LARP1B: variants seen among roughly 807,000 people sequenced by gnomAD.
The protein encoded by LARP1B is la-related protein 1B.
A neutral mutation model predicts 114.2 loss-of-function variants in LARP1B; 76 were observed. The observed-to-expected ratio is 0.67, with a 90% CI of 0.55 to 0.81. LARP1B has a LOEUF of 0.81. Ranked by LOEUF, LARP1B falls within the 30% of genes least tolerant of loss-of-function variation. The pLI, the probability that LARP1B is intolerant of heterozygous loss-of-function variation, is 0.00. For synonymous variants in LARP1B, 345 were observed against 348.0 expected, an observed-to-expected ratio of 0.99 and a Z score of 0.10; for missense variants, 1,014 against 1,075.8, an observed-to-expected ratio of 0.94 and a Z score of 0.80.
chr4:128,085,818 T>C (rs1773249087), intron 5 of LARP1B, among the ~76,000 whole-genome samples: 1 of 152,214 alleles, frequency 6.6e-6, no homozygotes, highest in Non-Finnish European at 1.5e-5. Flanking sequence ...GTGGAATGTA[T>C]GTATTTCTCA....
intron 15 of LARP1B, among the ~76,000 whole-genome samples, chr4:128,198,104 C>T (rs765523088): frequency 3.3e-5 from 5 of 151,910 alleles, no homozygotes; most frequent in Admixed American, 2.0e-4. Context: ...AGGCTGGTCT[C>T]GAACTCCTGA....
Position 128,207,402 on chromosome 4 carries a change from C to A in LARP1B, c.2547+19C>A. The A allele has an allele frequency of 7.0e-7, 1 of 1,436,812 alleles. No homozygotes were observed. The highest frequency in any genetic ancestry group is 9.2e-7 in the Non-Finnish European group (1 of 1,084,200). The allele number at this position is 1,436,812 out of a possible 1,614,324, so 89.0% of individuals were successfully genotyped here. A position where few individuals can be genotyped will look rare whatever the true frequency, so the allele number is the denominator to read the frequency against. Reference sequence around the variant, plus strand: ...TGTTGATGTAAGTTTTAAGTCATTTCCTCTATTCTTTTTATTATCCATATA... The same window carrying A: ...TGTTGATGTAAGTTTTAAGTCATTTACTCTATTCTTTTTATTATCCATATA... On this transcript the variant is annotated intron_variant, in intron 19 of 19. Transcript: ENST00000326639.
chr4:128,126,775 C>T (rs1180878795), intron 11 of LARP1B, among the ~76,000 whole-genome samples: 1 of 148,038 alleles, frequency 6.8e-6, no homozygotes, highest in Non-Finnish European at 1.5e-5. Context: ...AATTTAACAT[C>T]TAGTAGATTT....
chr4:128,098,154 TAAATG>T lies in LARP1B; in HGVS notation c.669-31_669-27del, dbSNP rs763749037. On this transcript the variant is annotated intron_variant, in intron 7 of 19. Transcript: ENST00000326639. ...ATAGAAATATTTATTTCCTACTAAA[TAAATG>T]GATGAAATTCTGATTTCTCTTTTCA... The T allele has an allele frequency of 3.3e-6, 5 of 1,537,860 alleles. No individual in the cohort carries two copies. In the East Asian group the frequency reaches 1.1e-4, roughly 35 times the overall value.
At chr4:128,120,452 C>CT (rs34303419) in intron 10 of LARP1B, among the ~76,000 whole-genome samples, 85,947 of 143,792 alleles carry the variant, frequency 0.6, 26,283 homozygotes, top group Middle Eastern at 0.8. Flanking sequence ...GTTTTAAGTT[C>CT]TTTTTTTTTT....
intron 12 of LARP1B, among the ~76,000 whole-genome samples, chr4:128,174,306 G>C (rs570000526): frequency 2.7e-5 from 4 of 149,670 alleles, no homozygotes; most frequent in African/African-American, 1.0e-4. Context: ...GCTTGTAGTT[G>C]ACAAAAAATG....
Position 128,137,774 on chromosome 4 carries a change from T to C in LARP1B, c.1524+15586T>C, listed in dbSNP as rs979040651. 3.5e-5 allele frequency among the ~76,000 whole-genome samples: 3 copies of C among 86,586 alleles called. No individual in the cohort carries two copies. The East Asian group carries it at 7.9e-4, about 23-fold the overall frequency. 56.8% of individuals were successfully genotyped at this position (86,586 alleles called of 152,430 possible). On this transcript the variant is annotated intron_variant, in intron 11 of 19. Transcript: ENST00000326639. ...ATACAGAAACGTGTGTGTATACATATATATATATATATATATATTTTTTTT... is the reference window on the plus strand; with the variant it reads ...ATACAGAAACGTGTGTGTATACATACATATATATATATATATATTTTTTTT...
intron 12 of LARP1B, among the ~76,000 whole-genome samples, chr4:128,162,694 T>C (rs1267218464): frequency 6.6e-6 from 1 of 152,156 alleles, no homozygotes; most frequent in Admixed American, 6.6e-5. Context: ...ATAAATACAT[T>C]GGGAGATCCA....
chr4:128,214,518 G>A (rs1002053103), downstream of LARP1B, among the ~76,000 whole-genome samples: 2 of 152,130 alleles, frequency 1.3e-5, no homozygotes, highest in Admixed American at 6.5e-5. Flanking sequence ...CAGCCTAACT[G>A]GGAGGCAGGG....
At position 128,210,322 on chromosome 4, in the gene LARP1B, T is replaced by C. The variant is rs1256972281; in HGVS notation, c.*269T>C. 3 of 1,185,474 alleles carry C rather than the reference T, an allele frequency of 2.5e-6. No individual in the cohort carries two copies. The African/African-American group carries it at 4.6e-5, about 18-fold the overall frequency. The allele number at this position is 1,185,474 out of a possible 1,614,324, so 73.4% of individuals were successfully genotyped here. A position where few individuals can be genotyped will look rare whatever the true frequency, so the allele number is the denominator to read the frequency against. ...CTTTTATAGAGATCTTCTAGTAATGTATTTTGATCTCAGATTTCTTTTTCA... is the reference window on the plus strand; with the variant it reads ...CTTTTATAGAGATCTTCTAGTAATGCATTTTGATCTCAGATTTCTTTTTCA... On this transcript the variant is annotated 3_prime_UTR_variant, in exon 20 of 20. Coordinates refer to ENST00000326639, the MANE Select transcript of LARP1B (RefSeq NM_018078.4).
intron 8 of LARP1B, among the ~76,000 whole-genome samples, chr4:128,105,467 GA>G (rs748974114): frequency 1.8e-4 from 27 of 152,114 alleles, no homozygotes; most frequent in Non-Finnish European, 3.4e-4. Context: ...TATATGTTGG[GA>G]AAAATACACT....
At chr4:128,166,791 A>G (rs939147707) in intron 12 of LARP1B, among the ~76,000 whole-genome samples, 5 of 150,558 alleles carry the variant, frequency 3.3e-5, no homozygotes, top group Non-Finnish European at 5.9e-5. Flanking sequence ...TTTTTTTTAA[A>G]GATTCTATAT....
intron 8 of LARP1B, among the ~76,000 whole-genome samples, chr4:128,103,814 G>C (rs1781156624): frequency 6.6e-6 from 1 of 151,578 alleles, no homozygotes; most frequent in Non-Finnish European, 1.5e-5. Flanking sequence ...CGCCCGTCTC[G>C]GCCTCCCAAA....
chr4:128,098,591 C>T (rs2149682811), intron 8 of LARP1B, among the ~76,000 whole-genome samples: 1 of 150,598 alleles, frequency 6.6e-6, no homozygotes, highest in African/African-American at 2.4e-5. Context: ...AAACCTGATC[C>T]TTCAAACTTT....
chr4:128,217,877 T>C (rs1470327390), intron 6 of LARP1B, among the ~76,000 whole-genome samples: 2 of 149,308 alleles, frequency 1.3e-5, no homozygotes, highest in African/African-American at 5.0e-5. Flanking sequence ...GACGACATGA[T>C]TGTTTATCTA....
intron 8 of LARP1B, among the ~76,000 whole-genome samples, chr4:128,105,393 G>T (rs1402246136): frequency 6.6e-6 from 1 of 152,016 alleles, no homozygotes; most frequent in Non-Finnish European, 1.5e-5. Context: ...CTGGATGCTG[G>T]GCATACTGTT....
Position 128,211,296 on chromosome 4 carries a change from T to G in LARP1B, c.*1243T>G. 1.0e-6 allele frequency: 1 copy of G among 969,336 alleles called. No individual in the cohort carries two copies. 60.0% of individuals were successfully genotyped at this position (969,336 alleles called of 1,614,324 possible). On this transcript the variant is annotated 3_prime_UTR_variant, in exon 20 of 20. Coordinates refer to ENST00000326639, the MANE Select transcript of LARP1B (RefSeq NM_018078.4). ...TACATAATTTACAGATATTTTGTTG[T>G]ATTGGCAAAAGCAAGTGGTTTCCAT...
At chr4:128,134,933 C>T (rs142026133) in intron 11 of LARP1B, among the ~76,000 whole-genome samples, 2,664 of 151,954 alleles carry the variant, frequency 0.018, 64 homozygotes, top group East Asian at 0.1. Context: ...GGCGAAACTC[C>T]ATCTCTACTA....
chr4:128,131,425 G>T lies in LARP1B; in HGVS notation c.1524+9237G>T, dbSNP rs78675077. Among the ~76,000 whole-genome samples the T allele has an allele frequency of 5.3e-3, 802 of 152,298 alleles. 8 individuals carry two copies. The highest frequency in any genetic ancestry group is 0.018 in the African/African-American group (767 of 41,570). ...AAAAAAAGTTTTTACCAGTCTGTGT[G>T]TGTTGAAAAATATTTGTAATATGCA... On this transcript the variant is annotated intron_variant, in intron 11 of 19. Coordinates refer to ENST00000326639, the MANE Select transcript of LARP1B (RefSeq NM_018078.4).
Sources: allele counts gnomAD v4.1 joint callset (sites outside exome capture counted in the v4.1 genomes callset), GRCh38; gene constraint gnomAD v4.1.1; transcripts MANE v1.5; gene names NCBI Gene and HGNC (gene_info 2026-07-23, HGNC 2026-07-21).